The following DLGAP1 variants were observed in gnomAD, a reference collection of about 807,000 sequenced individuals.
DLGAP1 encodes the protein disks large-associated protein 1.
Under a neutral mutation model 90.8 loss-of-function variants are expected in DLGAP1, and 11 were observed. That is an observed-to-expected ratio of 0.12 (90% confidence interval 0.08 to 0.20). DLGAP1 has a LOEUF of 0.20. Ranked by LOEUF, DLGAP1 falls within the 10% of genes least tolerant of loss-of-function variation. The probability of loss-of-function intolerance (pLI) is 1.00; values close to 1 mark genes in which losing one functional copy is unlikely to be tolerated. For synonymous variants in DLGAP1, 558 were observed against 540.7 expected, an observed-to-expected ratio of 1.03 and a Z score of -0.44; for missense variants, 1,050 against 1,333.8, an observed-to-expected ratio of 0.79 and a Z score of 3.31.
intron 2 of DLGAP1, among the ~76,000 whole-genome samples, chr18:4,017,309 G>C (rs935166269): frequency 3.3e-5 from 5 of 152,140 alleles, no homozygotes; most frequent in Admixed American, 2.6e-4. Flanking sequence ...TGTACACCAA[G>C]GGTGTAAAAT....
chr18:3,738,359 A>G (rs993979095), intron 6 of DLGAP1, among the ~76,000 whole-genome samples: 7 of 147,834 alleles, frequency 4.7e-5, no homozygotes, highest in African/African-American at 1.6e-4. Flanking sequence ...GCATCACACT[A>G]TCTGACTTCA....
At position 3,775,895 on chromosome 18, in the gene DLGAP1, C is replaced by T. The variant is rs1039733014; in HGVS notation, c.1173-33383G>A. 3.3e-5 allele frequency among the ~76,000 whole-genome samples: 5 copies of T among 152,144 alleles called. No homozygotes were observed. The highest frequency in any genetic ancestry group is 3.3e-4 in the Admixed American group (5 of 15,270). ...TTCTGATACCATAGATTCGTTTGGT[C>T]TGTTTTTGAACTTGAGATAAATGAT... is the stretch of plus-strand genomic sequence containing the variant. On this transcript the variant is annotated intron_variant, in intron 5 of 12. Coordinates refer to ENST00000315677, the MANE Select transcript of DLGAP1 (RefSeq NM_004746.4). This position sits in a 1 kb window ranked among gnomAD's most constrained non-coding sequence, Gnocchi z 4.9.
At chr18:4,152,774 A>C (rs1036720247) in intron 1 of DLGAP1, among the ~76,000 whole-genome samples, 1 of 152,208 alleles carries the variant, frequency 6.6e-6, no homozygotes, top group Non-Finnish European at 1.5e-5. Flanking sequence ...CCATCATCAA[A>C]AGCTTTTAGT....
At chr18:4,257,998 TGTGTGTGTGTGTGC>T (rs1457536927) in intron 1 of DLGAP1, among the ~76,000 whole-genome samples, 107 of 143,720 alleles carry the variant, frequency 7.4e-4, no homozygotes, top group African/African-American at 3.0e-3. Context: ...TGTGTGTGTG[TGTGTGTGTGTGTGC>T]GCGCGCGCGC....
chr18:3,704,468 G>A (rs1194674731), intron 7 of DLGAP1, among the ~76,000 whole-genome samples: 3 of 152,010 alleles, frequency 2.0e-5, no homozygotes, highest in African/African-American at 7.3e-5. Flanking sequence ...TACTCGGGAG[G>A]CTGAGGCAGG....
intron 11 of DLGAP1, among the ~76,000 whole-genome samples, chr18:3,504,728 TCC>T: frequency 6.6e-6 from 1 of 152,290 alleles, no homozygotes; most frequent in East Asian, 1.9e-4. Flanking sequence ...GGCAACTCGT[TCC>T]CTTCTCATAA....
At chr18:4,286,852 G>A (rs562050631) in intron 1 of DLGAP1, among the ~76,000 whole-genome samples, 60 of 152,238 alleles carry the variant, frequency 3.9e-4, no homozygotes, top group African/African-American at 1.4e-3. Context: ...TGAAGTATTG[G>A]GGTTGAGGGC....
At chr18:3,795,951 C>T (rs1024905889) in intron 5 of DLGAP1, among the ~76,000 whole-genome samples, 2 of 152,092 alleles carry the variant, frequency 1.3e-5, no homozygotes, top group Admixed American at 6.5e-5. Context: ...GTGGAATGAG[C>T]AGAGCCGCAG....
At chr18:4,134,804 G>A (rs187122637) in intron 2 of DLGAP1, among the ~76,000 whole-genome samples, 186 of 151,886 alleles carry the variant, frequency 1.2e-3, no homozygotes, top group Admixed American at 2.8e-3. Flanking sequence ...TTTCCCCAGG[G>A]GACATAATTA....
chr18:3,739,204 G>A (rs370138657), intron 6 of DLGAP1, among the ~76,000 whole-genome samples: 685 of 116,394 alleles, frequency 5.9e-3, no homozygotes, highest in African/African-American at 9.4e-3. Flanking sequence ...CAACCATTGT[G>A]GAAGTCAGTG....
At chr18:4,056,090 C>G (rs2075211613) in intron 2 of DLGAP1, among the ~76,000 whole-genome samples, 3 of 152,088 alleles carry the variant, frequency 2.0e-5, no homozygotes, top group Admixed American at 2.0e-4. Flanking sequence ...AAATTCAGGG[C>G]TGTCATGAAG....
At chr18:4,238,170 C>G (rs2145107958) in intron 1 of DLGAP1, among the ~76,000 whole-genome samples, 1 of 152,252 alleles carries the variant, frequency 6.6e-6, no homozygotes, top group Middle Eastern at 3.4e-3. Context: ...TAGGCTTCCT[C>G]TCTGTTTCAT....
intron 7 of DLGAP1, among the ~76,000 whole-genome samples, chr18:3,637,789 A>G (rs1011193162): frequency 1.3e-5 from 2 of 151,872 alleles, no homozygotes; most frequent in Non-Finnish European, 2.9e-5. Context: ...TATTATATCA[A>G]TATAATACAC....
intron 2 of DLGAP1, among the ~76,000 whole-genome samples, chr18:4,086,142 G>C (rs2075677670): frequency 6.6e-6 from 1 of 152,172 alleles, no homozygotes; most frequent in African/African-American, 2.4e-5. Context: ...CATGGGAACA[G>C]AGCAGGATAA....
chr18:4,331,278 T>C (rs1239312564), intron 1 of DLGAP1, among the ~76,000 whole-genome samples: 2 of 151,654 alleles, frequency 1.3e-5, no homozygotes, highest in East Asian at 1.9e-4. Flanking sequence ...ATCACTCCCA[T>C]TATCGAGCTC....
chr18:4,094,852 C>T (rs757264980), intron 2 of DLGAP1, among the ~76,000 whole-genome samples: 58 of 152,232 alleles, frequency 3.8e-4, no homozygotes, highest in Non-Finnish European at 6.3e-4. Flanking sequence ...CCCACCTTGG[C>T]CTCCCAAAGT....
chr18:3,898,090 G>A (rs191254770), intron 3 of DLGAP1, among the ~76,000 whole-genome samples: 26 of 152,234 alleles, frequency 1.7e-4, no homozygotes, highest in African/African-American at 5.8e-4. Flanking sequence ...CACTGCGCCC[G>A]GCCGAATTTC....
chr18:3,524,596 G>A (rs62083985), intron 10 of DLGAP1, among the ~76,000 whole-genome samples: 29,174 of 151,954 alleles, frequency 0.19, 2,868 homozygotes, highest in African/African-American at 0.21. Context: ...CAAAAATATC[G>A]AGTCAGGTAG....
chr18:4,420,121 G>C (rs1326443122), intron 1 of DLGAP1, among the ~76,000 whole-genome samples: 1 of 152,140 alleles, frequency 6.6e-6, no homozygotes, highest in Non-Finnish European at 1.5e-5. Flanking sequence ...CTTGCAAAAA[G>C]AGTCAATTCT....
Sources: allele counts gnomAD v4.1 joint callset (sites outside exome capture counted in the v4.1 genomes callset), GRCh38; gene constraint gnomAD v4.1.1; non-coding constraint Gnocchi (gnomAD v3.1); transcripts MANE v1.5; gene names NCBI Gene and HGNC (gene_info 2026-07-23, HGNC 2026-07-21).